RBFOX1: variants seen among roughly 807,000 people sequenced by gnomAD.
RBFOX1 encodes RNA binding protein fox-1 homolog 1.
A neutral mutation model predicts 57.7 loss-of-function variants in RBFOX1; 8 were observed. The observed-to-expected ratio is 0.14, with a 90% CI of 0.08 to 0.25. The LOEUF is 0.25. RBFOX1 is among the 10% of genes least tolerant of loss of function. RBFOX1 has a pLI of 1.00. For synonymous variants in RBFOX1, 326 were observed against 222.4 expected, an observed-to-expected ratio of 1.47 and a Z score of -4.15; for missense variants, 611 against 548.5, an observed-to-expected ratio of 1.11 and a Z score of -1.14.
intron 4 of RBFOX1, among the ~76,000 whole-genome samples, chr16:7,410,978 C>A (rs141526678): frequency 2.4e-4 from 37 of 152,108 alleles, no homozygotes; most frequent in African/African-American, 8.9e-4. Context: ...CAGAGTCTCA[C>A]TCTGTCACCC....
chr16:6,765,977 A>T (rs993943540), intron 3 of RBFOX1, among the ~76,000 whole-genome samples: 1 of 152,122 alleles, frequency 6.6e-6, no homozygotes, highest in African/African-American at 2.4e-5. Flanking sequence ...GACTCAGAAG[A>T]TGGGAGGGTA....
chr16:7,661,894 G>T (rs17135053), intron 12 of RBFOX1, among the ~76,000 whole-genome samples: 9,063 of 152,182 alleles, frequency 0.06, 472 homozygotes, highest in African/African-American at 0.13. Flanking sequence ...TGGCAATCAG[G>T]TTACCCTACT....
chr16:6,377,505 C>G (rs1160187628), intron 2 of RBFOX1, among the ~76,000 whole-genome samples: 1 of 152,128 alleles, frequency 6.6e-6, no homozygotes, highest in East Asian at 1.9e-4. Context: ...TGCTCTGGGC[C>G]CTGGCAAGTC....
chr16:7,706,096 G>C (rs2082347743), intron 14 of RBFOX1, among the ~76,000 whole-genome samples: 1 of 152,136 alleles, frequency 6.6e-6, no homozygotes, highest in Admixed American at 6.5e-5. Context: ...TTGCTGACGT[G>C]CTTGGCATAT....
rs190877578 is a variant in RBFOX1 at position 5,355,083 on chromosome 16, A to G, written c.220-112133A>G. ...GAGAGAAAGAGAGAAATAAGAGAGAATAAAAGAGAGAGAGGGAGGGATTCA... is the reference window on the plus strand; with the variant it reads ...GAGAGAAAGAGAGAAATAAGAGAGAGTAAAAGAGAGAGAGGGAGGGATTCA... On this transcript the variant is annotated intron_variant, in intron 1 of 2. Coordinates refer to the RBFOX1 transcript ENST00000585867. Among the ~76,000 whole-genome samples, 11 of 151,896 alleles carry G rather than the reference A, an allele frequency of 7.2e-5. No homozygotes were observed. The East Asian group carries it at 1.9e-3, about 27-fold the overall frequency.
In RBFOX1 at chr16:6,089,441, AG is replaced by A. The variant is rs1228485808; in HGVS notation, c.-127+69452del. ...TTTAGGATGGTCGGCATATACACAG[AG>A]GGCCTATAAGGAAGGAGAAGAAACT... On this transcript the variant is annotated intron_variant, in intron 1 of 15. Coordinates refer to ENST00000550418, the MANE Select transcript of RBFOX1 (RefSeq NM_018723.4). Among the ~76,000 whole-genome samples, 55 of 152,206 alleles carry A rather than the reference AG, an allele frequency of 3.6e-4. 1 individual carries two copies. Among genetic ancestry groups the A allele is most frequent in the African/African-American group, 1.3e-3 (52 of 41,460 alleles).
chr16:7,541,143 G>A (rs2152465127), intron 5 of RBFOX1, among the ~76,000 whole-genome samples: 1 of 152,302 alleles, frequency 6.6e-6, no homozygotes, highest in East Asian at 1.9e-4. Flanking sequence ...TGTACCTTGA[G>A]CAGCAAGATA....
At chr16:6,811,044 A>G (rs2088415687) in intron 3 of RBFOX1, among the ~76,000 whole-genome samples, 1 of 152,230 alleles carries the variant, frequency 6.6e-6, no homozygotes, top group Admixed American at 6.5e-5. Flanking sequence ...ACTGATGATG[A>G]TAAGATACCC....
At chr16:6,950,986 G>C (rs147676175) in intron 3 of RBFOX1, among the ~76,000 whole-genome samples, 48 of 151,634 alleles carry the variant, frequency 3.2e-4, no homozygotes, top group South Asian at 4.2e-4. Context: ...GCTCATTGCA[G>C]CCTCAAACTT....
chr16:6,450,590 G>A (rs1397578269), intron 2 of RBFOX1, among the ~76,000 whole-genome samples: 2 of 150,330 alleles, frequency 1.3e-5, no homozygotes, highest in African/African-American at 4.9e-5. Flanking sequence ...CCTGGCTTCA[G>A]TATGTTTCCA....
chr16:5,420,806 G>T (rs1354910965), intron 1 of RBFOX1, among the ~76,000 whole-genome samples: 1 of 151,818 alleles, frequency 6.6e-6, no homozygotes, highest in Non-Finnish European at 1.5e-5. Context: ...AAAGTCCTGG[G>T]ATTCCAGGCA....
chr16:7,267,273 G>A (rs2095180373), intron 4 of RBFOX1, among the ~76,000 whole-genome samples: 1 of 151,946 alleles, frequency 6.6e-6, no homozygotes, highest in African/African-American at 2.4e-5. Flanking sequence ...GGTGGCTCAT[G>A]CCTGTAATGC....
At position 6,625,023 on chromosome 16, in the gene RBFOX1, G is replaced by C. The variant is rs143594600; in HGVS notation, c.-63-29580G>C. Among the ~76,000 whole-genome samples, 569 of 151,960 alleles carry C rather than the reference G, an allele frequency of 3.7e-3. 5 individuals are homozygous for C. Among genetic ancestry groups the C allele is most frequent in the African/African-American group, 0.013 (523 of 41,404 alleles). On this transcript the variant is annotated intron_variant, in intron 2 of 15. Coordinates refer to ENST00000550418, the MANE Select transcript of RBFOX1 (RefSeq NM_018723.4). ...CTACTAAAAATACAAAAATTAGCTG[G>C]GTGTGGTGTCGCAGGCTTATAATCC...
chr16:5,639,013 G>T (rs2048775362), intron 3 of RBFOX1, among the ~76,000 whole-genome samples: 1 of 152,136 alleles, frequency 6.6e-6, no homozygotes, highest in Admixed American at 6.5e-5. Flanking sequence ...AGAAGAAGTG[G>T]ACCTCCTAAG....
At chr16:7,003,168 A>C (rs1434142483) in intron 3 of RBFOX1, among the ~76,000 whole-genome samples, 1 of 152,172 alleles carries the variant, frequency 6.6e-6, no homozygotes, top group Non-Finnish European at 1.5e-5. Flanking sequence ...TCGTTTAAAA[A>C]GGAGTTTCTG....
At chr16:5,913,336 A>G (rs1232436651) in intron 4 of RBFOX1, among the ~76,000 whole-genome samples, 1 of 152,090 alleles carries the variant, frequency 6.6e-6, no homozygotes, top group Non-Finnish European at 1.5e-5. Flanking sequence ...TCCAAATCTC[A>G]TTCGGAAATG....
chr16:5,815,283 C>T (rs370492982), intron 3 of RBFOX1, among the ~76,000 whole-genome samples: 9 of 149,974 alleles, frequency 6.0e-5, no homozygotes, highest in African/African-American at 1.5e-4. Flanking sequence ...TGTGAGCCAT[C>T]GTGCCTGGCC....
intron 5 of RBFOX1, among the ~76,000 whole-genome samples, chr16:7,568,145 C>G (rs758318237): frequency 6.6e-6 from 1 of 152,010 alleles, no homozygotes; most frequent in South Asian, 2.1e-4. Context: ...GTGAATCCAT[C>G]AAGTGAAGTA....
intron 4 of RBFOX1, among the ~76,000 whole-genome samples, chr16:7,420,246 A>G (rs899064647): frequency 1.3e-5 from 2 of 152,156 alleles, no homozygotes; most frequent in African/African-American, 4.8e-5. Flanking sequence ...AGCAGATTGT[A>G]AATAGCCTCT....
Sources: gnomAD v4.1 joint callset for allele counts (sites outside exome capture counted in the v4.1 genomes callset) on GRCh38, gnomAD v4.1.1 for gene constraint, MANE v1.5 for transcripts, NCBI Gene and HGNC (gene_info 2026-07-23, HGNC 2026-07-21) for gene names.